Variants in TDRD7 observed in about 807,000 individuals in gnomAD.
TDRD7 encodes the protein tudor domain-containing protein 7.
TDRD7 carries 47 observed loss-of-function variants against 109.8 expected under a neutral mutation model. That is an observed-to-expected ratio of 0.43 (90% CI 0.34 to 0.55). The LOEUF is 0.55. TDRD7 is among the 20% of genes least tolerant of loss of function. TDRD7 has a pLI of 0.03. For synonymous variants in TDRD7, 424 were observed against 457.3 expected, an observed-to-expected ratio of 0.93 and a Z score of 0.93; for missense variants, 1,164 against 1,319.2, an observed-to-expected ratio of 0.88 and a Z score of 1.82.
At chr9:97,464,378 T>C (rs368102932) in intron 7 of TDRD7, among the ~76,000 whole-genome samples, 1 of 152,098 alleles carries the variant, frequency 6.6e-6, no homozygotes. Flanking sequence ...TGAGAGGGAG[T>C]CTCACTCTGT....
intron 16 of TDRD7, among the ~76,000 whole-genome samples, chr9:97,492,080 G>T (rs1323257792): frequency 6.6e-6 from 1 of 152,182 alleles, no homozygotes; most frequent in Non-Finnish European, 1.5e-5. Context: ...TTGACTCTCA[G>T]TATCTTCCTG....
intron 16 of TDRD7, 90 bp downstream of exon 16, chr9:97,487,422 C>G: frequency 1.3e-6 from 2 of 1,574,830 alleles, no homozygotes; most frequent in South Asian, 2.2e-5. Flanking sequence ...TCATTGGCCT[C>G]TTGAGTTTAG....
intron 1 of TDRD7, among the ~76,000 whole-genome samples, chr9:97,427,225 G>A (rs1828013548): frequency 6.6e-6 from 1 of 151,962 alleles, no homozygotes; most frequent in African/African-American, 2.4e-5. Flanking sequence ...TACATTCTCT[G>A]AATGTATCTC....
chr9:97,422,488 T>C (rs10982047), intron 1 of TDRD7, among the ~76,000 whole-genome samples: 81,164 of 152,160 alleles, frequency 0.53, 21,965 homozygotes, highest in African/African-American at 0.62. Flanking sequence ...GATAATATTA[T>C]ACTATTTTGA....
In TDRD7 at chr9:97,483,119, G is replaced by A. The variant is rs142868591; in HGVS notation, c.2683G>A (p.Ala895Thr). ...AAAGTCCATGGTGGACCATACGAGC[G>A]CTTTCTCCACAGAGGAACTGCCACC... ...IKKSMVDHTS[A>T]FSTEELPPPV... The change falls in exon 15 of 17, where the codon GCT becomes ACT. Residue 895 changes from alanine (A) to threonine (T), a missense_variant. Ala to Thr is a moderately conservative substitution (Grantham distance 58, BLOSUM62 0). This residue lies in a region of TDRD7 where 233 missense variants were observed against 218.0 expected (regional missense o/e 1.07). Transcript: ENST00000355295. 600 of 1,614,010 alleles carry A rather than the reference G, an allele frequency of 3.7e-4. No individual in the cohort carries two copies. Among genetic ancestry groups the A allele is most frequent in the Non-Finnish European group, 4.8e-4 (563 of 1,180,032 alleles).
chr9:97,434,582 C>T (rs995987938), intron 4 of TDRD7, among the ~76,000 whole-genome samples: 4 of 152,114 alleles, frequency 2.6e-5, no homozygotes, highest in Admixed American at 1.3e-4. Flanking sequence ...CAAAATATCA[C>T]ATCATATTGC....
chr9:97,492,473 A>G (rs1829324075), intron 16 of TDRD7, among the ~76,000 whole-genome samples: 1 of 152,336 alleles, frequency 6.6e-6, no homozygotes, highest in Non-Finnish European at 1.5e-5. Flanking sequence ...TTTGAAGTCA[A>G]AAGGCTGAGA....
chr9:97,423,398 C>CTT (rs74312835), intron 1 of TDRD7, among the ~76,000 whole-genome samples: 2 of 142,318 alleles, frequency 1.4e-5, no homozygotes, highest in East Asian at 2.0e-4. Flanking sequence ...TTTGTGCCTT[C>CTT]TTTTTTTTTT....
rs1829153704 is a variant in TDRD7, at chr9:97,483,242, C to A, written c.2806C>A (p.His936Asn). The change falls in exon 15 of 17, where the codon CAT (histidine) becomes AAT (asparagine). Residue 936 changes from histidine (H) to asparagine (N), a missense_variant. Physicochemically the swap from His to Asn is moderately conservative, Grantham distance 68 (BLOSUM62 1). Transcript: ENST00000355295. Reference protein sequence around the residue: ...YFVIQPWQEIHKLEVLMEEMI... With the variant: ...YFVIQPWQEINKLEVLMEEMI... ...CGTCATCCAGCCTTGGCAGGAGATA[C>A]ATAAGTTGGAAGTTCTGATGGAAGA... 6.2e-7 allele frequency: 1 copy of A among 1,613,446 alleles called. No individual in the cohort carries two copies. Among genetic ancestry groups the A allele is most frequent in the Non-Finnish European group, 8.5e-7 (1 of 1,179,674 alleles).
chr9:97,480,985 G>A (rs1829106758), intron 14 of TDRD7, 47 bp downstream of exon 14: 1 of 1,503,378 alleles, frequency 6.7e-7, no homozygotes. Context: ...GGAGCTGGCA[G>A]CTGTCAGGGC....
At chr9:97,475,653 C>A (rs925934349) in intron 12 of TDRD7, among the ~76,000 whole-genome samples, 184 bp downstream of exon 12, 4 of 152,122 alleles carry the variant, frequency 2.6e-5, no homozygotes, top group African/African-American at 9.7e-5. Flanking sequence ...TTTACATCTC[C>A]TTTCTTCTGC....
intron 8 of TDRD7, among the ~76,000 whole-genome samples, chr9:97,468,707 G>A (rs963513174): frequency 6.6e-6 from 1 of 152,254 alleles, no homozygotes; most frequent in African/African-American, 2.4e-5. Flanking sequence ...GCTGGTGCCA[G>A]TTTGGCCTGA....
chr9:97,420,605 A>G (rs1339227853), intron 1 of TDRD7, among the ~76,000 whole-genome samples: 1 of 152,166 alleles, frequency 6.6e-6, no homozygotes, highest in Non-Finnish European at 1.5e-5. Flanking sequence ...TTATGTATCA[A>G]CAGATTGTTC....
chr9:97,495,889 G>A lies in TDRD7; in HGVS notation c.*6G>A. 1 of 1,610,632 alleles carries A rather than the reference G, an allele frequency of 6.2e-7. No homozygotes were observed. The highest frequency in any genetic ancestry group is 8.5e-7 in the Non-Finnish European group (1 of 1,177,076). ...AGCTTTCAAAAGTTAATTAATGACT[G>A]CCTCTGAAACCTTGACAACTAATTC... On this transcript the variant is annotated 3_prime_UTR_variant, in exon 17 of 17. Transcript: ENST00000355295.
intron 1 of TDRD7, among the ~76,000 whole-genome samples, chr9:97,419,708 C>T (rs186053673): frequency 6.2e-4 from 94 of 152,320 alleles, no homozygotes; most frequent in African/African-American, 1.9e-3. Flanking sequence ...TAAGTGGAGT[C>T]AGCTGTGGAT....
intron 16 of TDRD7, 99 bp downstream of exon 16, chr9:97,487,431 A>T (rs1398603804): frequency 1.3e-6 from 2 of 1,549,650 alleles, no homozygotes; most frequent in African/African-American, 2.7e-5. Flanking sequence ...TCTTGAGTTT[A>T]GGTATGTTGG....
intron 16 of TDRD7, among the ~76,000 whole-genome samples, chr9:97,490,555 G>GT (rs201208173): frequency 7.0e-6 from 1 of 143,170 alleles, no homozygotes; most frequent in Non-Finnish European, 1.5e-5. Context: ...TTGGTGGGGG[G>GT]GGGGGCATTT....
chr9:97,494,091 A>G lies in TDRD7; in HGVS notation c.3077-1572A>G, dbSNP rs187623235. Among the ~76,000 whole-genome samples, 633 of 152,364 alleles carry G rather than the reference A, an allele frequency of 4.2e-3. 26 individuals are homozygous for G. The East Asian group carries it at 0.085, about 21-fold the overall frequency. On this transcript the variant is annotated intron_variant, in intron 16 of 16. Coordinates refer to ENST00000355295, the MANE Select transcript of TDRD7 (RefSeq NM_014290.3). Reference sequence around the variant, plus strand: ...AAGAGATTAAAGTAAAGACAGGCATAGGAAATCACAAGGGTATTGATTGGG... The same window carrying G: ...AAGAGATTAAAGTAAAGACAGGCATGGGAAATCACAAGGGTATTGATTGGG...
intron 8 of TDRD7, among the ~76,000 whole-genome samples, chr9:97,465,640 G>A (rs561190792): frequency 1.2e-3 from 177 of 152,286 alleles, no homozygotes; most frequent in African/African-American, 4.1e-3. Flanking sequence ...GTGTCTCAGG[G>A]CCTTGGAACA....
Sources: allele counts gnomAD v4.1 joint callset (sites outside exome capture counted in the v4.1 genomes callset), GRCh38; gene constraint gnomAD v4.1.1; regional missense constraint gnomAD v4.1.1; transcripts MANE v1.5; gene names NCBI Gene and HGNC (gene_info 2026-07-23, HGNC 2026-07-21).